Variants in IFT74 observed in about 807,000 individuals in gnomAD.
IFT74 encodes intraflagellar transport protein 74 homolog.
A neutral mutation model predicts 96.7 loss-of-function variants in IFT74; 92 were observed. That is an observed-to-expected ratio of 0.95 (90% CI 0.80 to 1.13). IFT74 has a LOEUF of 1.13. Ranked by LOEUF, IFT74 falls within the 50% of genes most tolerant of loss-of-function variation. The pLI, the probability that IFT74 is intolerant of heterozygous loss-of-function variation, is 0.00. For synonymous variants in IFT74, 223 were observed against 213.2 expected (o/e 1.05, Z -0.40); for missense variants, 811 against 698.2 (o/e 1.16, Z -1.82).
At chr9:26,970,531 C>T (rs1378254216) in intron 2 of IFT74, among the ~76,000 whole-genome samples, 1 of 152,094 alleles carries the variant, frequency 6.6e-6, no homozygotes, top group Non-Finnish European at 1.5e-5. Flanking sequence ...TTTATATGTT[C>T]TTCTCTATAC....
chr9:27,042,822 C>A (rs1819536626), intron 13 of IFT74, among the ~76,000 whole-genome samples: 1 of 152,148 alleles, frequency 6.6e-6, no homozygotes, highest in African/African-American at 2.4e-5. Context: ...TTTTCTGCCA[C>A]TTCACATGGG....
intron 1 of IFT74, among the ~76,000 whole-genome samples, chr9:26,950,451 C>G (rs144501453): frequency 2.0e-5 from 3 of 152,230 alleles, no homozygotes; most frequent in African/African-American, 7.2e-5. Flanking sequence ...AATCTCCATA[C>G]AAGGAGTTGG....
chr9:27,055,000 T>G (rs1299409798), intron 16 of IFT74, among the ~76,000 whole-genome samples: 2 of 152,194 alleles, frequency 1.3e-5, no homozygotes, highest in African/African-American at 4.8e-5. Flanking sequence ...TGTTAGTGAA[T>G]CTACAACCTA....
At chr9:26,991,900 G>C (rs541305285) in intron 8 of IFT74, among the ~76,000 whole-genome samples, 1 of 151,904 alleles carries the variant, frequency 6.6e-6, no homozygotes, top group South Asian at 2.1e-4. Context: ...ATGGTGGCAC[G>C]GGCTTGTAGT....
intron 12 of IFT74, among the ~76,000 whole-genome samples, chr9:27,022,647 T>A (rs1325129445): frequency 1.2e-5 from 1 of 85,224 alleles, no homozygotes; most frequent in Non-Finnish European, 2.2e-5. Context: ...TCTTGATTTC[T>A]TTTTTTTTTT....
upstream of IFT74, chr9:26,955,670 T>G (rs1391267889): frequency 1.3e-5 from 2 of 152,184 alleles, no homozygotes; most frequent in Non-Finnish European, 2.9e-5. Context: ...GTATTGATTT[T>G]TAACTCCTCG....
chr9:27,062,694 T>G lies in IFT74; in HGVS notation c.1761T>G (p.Asn587Lys), dbSNP rs371395468. ...TGACCAAGCAGATTGCAGAGTACAA[T>G]AAAACCATCGTGGATGCTTTACATA... is the stretch of plus-strand genomic sequence containing the variant. ...KNVTKQIAEYNKTIVDALHST... is the reference protein window; with the variant it reads ...KNVTKQIAEYKKTIVDALHST... The change falls in exon 20 of 20, where the codon AAT becomes AAG. Residue 587 changes from asparagine (N) to lysine (K), a missense_variant. Coordinates refer to ENST00000380062, the MANE Select transcript of IFT74 (RefSeq NM_025103.4). 6.2e-7 allele frequency: 1 copy of G among 1,607,928 alleles called. No individual in the cohort carries two copies.
intron 2 of IFT74, chr9:26,976,748 G>A (rs1827144301): frequency 2.2e-6 from 1 of 455,628 alleles, no homozygotes; most frequent in African/African-American, 2.0e-5. Context: ...GAGAAACCTT[G>A]CCATATCTCA....
At chr9:26,988,570 CTCATTATTTGTAAG>C (rs2131549685) in intron 6 of IFT74, 85 bp from the exon 7 acceptor site, 2 of 1,100,932 alleles carry the variant, frequency 1.8e-6, no homozygotes, top group South Asian at 3.4e-5. Context: ...TAAGTTACTA[CTCATTATTTGTAAG>C]ACTGAATACC....
chr9:27,062,635 C>G lies in IFT74; in HGVS notation c.1702C>G (p.Gln568Glu), dbSNP rs778936326. The G allele has an allele frequency of 1.9e-6, 3 of 1,600,352 alleles. No individual in the cohort carries two copies. The highest frequency in any genetic ancestry group is 2.6e-6 in the Non-Finnish European group (3 of 1,169,716). ...GTAATTAGTCATAGCAACCAAGAGT[C>G]AAGAGAGTGATTACCAGCCAATTAA... ...AMKEFIATKS[Q>E]ESDYQPIKKN... The change falls in exon 20 of 20, where the codon CAA becomes GAA. Residue 568 changes from glutamine (Q) to glutamate (E), a missense_variant. Coordinates refer to ENST00000380062, the MANE Select transcript of IFT74 (RefSeq NM_025103.4).
At chr9:27,030,141 C>T (rs1365057269) in intron 13 of IFT74, among the ~76,000 whole-genome samples, 1 of 152,116 alleles carries the variant, frequency 6.6e-6, no homozygotes, top group African/African-American at 2.4e-5. Flanking sequence ...GCATTTTAAT[C>T]ATAGTTTAAC....
chr9:27,004,308 A>G (rs1474059308), intron 8 of IFT74, among the ~76,000 whole-genome samples: 1 of 152,246 alleles, frequency 6.6e-6, no homozygotes, highest in East Asian at 1.9e-4. Context: ...TCCATTGGAT[A>G]GATCTTGGAA....
At chr9:27,019,131 AT>A (rs1270857037) in intron 12 of IFT74, among the ~76,000 whole-genome samples, 1 of 151,886 alleles carries the variant, frequency 6.6e-6, no homozygotes, top group East Asian at 1.9e-4. Flanking sequence ...ATTTATTTTT[AT>A]TTTTAGTAGA....
upstream of IFT74, among the ~76,000 whole-genome samples, chr9:26,953,449 G>A (rs1006409306): frequency 1.3e-5 from 2 of 152,152 alleles, no homozygotes; most frequent in African/African-American, 4.8e-5. Flanking sequence ...AATTCAGTGT[G>A]AATATATGCT....
intron 8 of IFT74, among the ~76,000 whole-genome samples, chr9:27,005,352 T>TCCC (rs1443234170): frequency 6.9e-4 from 13 of 18,934 alleles, no homozygotes; most frequent in African/African-American, 2.0e-3. Context: ...TGAAACCATT[T>TCCC]CCCCCCCCGC....
At chr9:27,012,949 C>T (rs1318338645) in intron 10 of IFT74, among the ~76,000 whole-genome samples, 1 of 152,006 alleles carries the variant, frequency 6.6e-6, no homozygotes, top group East Asian at 2.0e-4. Context: ...GATCTCCTGA[C>T]CTTGTGATCC....
At chr9:27,046,291 C>G (rs528128637) in intron 14 of IFT74, among the ~76,000 whole-genome samples, 1 of 152,090 alleles carries the variant, frequency 6.6e-6, no homozygotes, top group South Asian at 2.1e-4. Flanking sequence ...CCTCTACCAC[C>G]ATATTCAAAT....
intron 2 of IFT74, among the ~76,000 whole-genome samples, chr9:26,963,916 G>A (rs28893251): frequency 3.9e-5 from 6 of 151,966 alleles, no homozygotes; most frequent in Non-Finnish European, 5.9e-5. Context: ...TGTAGGTTGC[G>A]TGTTCACTCT....
Position 27,065,044 on chromosome 9 carries a change from G to A in IFT74, c.*2308G>A, listed in dbSNP as rs181398005. 3.9e-5 allele frequency among the ~76,000 whole-genome samples: 6 copies of A among 152,124 alleles called. No homozygotes were observed. The highest frequency in any genetic ancestry group is 2.0e-4 in the Admixed American group (3 of 15,280). ...ACTCTAGAACTGAACCAATCTTTACGCAGAAAGAAAGTAGGAGGAAGATTG... is the reference window on the plus strand; with the variant it reads ...ACTCTAGAACTGAACCAATCTTTACACAGAAAGAAAGTAGGAGGAAGATTG... On this transcript the variant is annotated 3_prime_UTR_variant, in exon 20 of 20. Transcript: ENST00000380062.
Sources: allele counts gnomAD v4.1 joint callset (sites outside exome capture counted in the v4.1 genomes callset), GRCh38; gene constraint gnomAD v4.1.1; transcripts MANE v1.5; gene names NCBI Gene and HGNC (gene_info 2026-07-23, HGNC 2026-07-21).